DENND4A: variants seen among roughly 807,000 people sequenced by gnomAD.
DENND4A encodes the protein C-myc promoter-binding protein.
Under a neutral mutation model 199.3 loss-of-function variants are expected in DENND4A, and 70 were observed. The observed-to-expected ratio is 0.35, with a 90% confidence interval of 0.29 to 0.43. DENND4A has a LOEUF of 0.43. Among genes scored for constraint, DENND4A ranks in the 20% least tolerant of loss-of-function variants. The probability of loss-of-function intolerance (pLI) is 1.00; values close to 1 mark genes in which losing one functional copy is unlikely to be tolerated. For synonymous variants in DENND4A, 686 were observed against 766.9 expected (o/e 0.89, Z 1.74); for missense variants, 1,723 against 2,255.8 (o/e 0.76, Z 4.78).
intron 14 of DENND4A, among the ~76,000 whole-genome samples, chr15:65,709,414 A>C (rs143320052): frequency 6.6e-6 from 1 of 152,252 alleles, no homozygotes; most frequent in African/African-American, 2.4e-5. Context: ...CTTTATTAAG[A>C]TACATTTTGA....
chr15:65,752,878 A>C (rs1201632388), intron 3 of DENND4A, among the ~76,000 whole-genome samples: 1 of 152,184 alleles, frequency 6.6e-6, no homozygotes, highest in Non-Finnish European at 1.5e-5. Context: ...GGTACAATTA[A>C]ATGTGAAGGT....
chr15:65,685,559 C>A (rs1023327193), intron 23 of DENND4A, among the ~76,000 whole-genome samples: 30 of 152,332 alleles, frequency 2.0e-4, no homozygotes, highest in African/African-American at 7.2e-4. Flanking sequence ...TGCACATAAC[C>A]TATGCACATC....
Position 65,670,072 on chromosome 15 carries a change from A to G in DENND4A, c.4581T>C (p.Cys1527=), listed in dbSNP as rs1346149874. The change falls in exon 26 of 33, where the codon TGT becomes TGC. Residue 1527 remains cysteine (C), a synonymous_variant. Coordinates refer to ENST00000443035, the MANE Select transcript of DENND4A (RefSeq NM_001320835.1). ...DSNLNTTCPF[C]GNIFLPFLNI... The stretch of plus-strand genomic sequence containing the variant: ...TCAGAAAGGGTAAGAAGATATTGCC[A>G]CAGAATGGGCATGTAGTATTGAGAT... The G allele has an allele frequency of 6.2e-7, 1 of 1,604,588 alleles. No individual in the cohort carries two copies. The highest frequency in any genetic ancestry group is 8.5e-7 in the Non-Finnish European group (1 of 1,174,944).
intron 1 of DENND4A, among the ~76,000 whole-genome samples, chr15:65,788,474 G>C (rs1287827384): frequency 6.6e-6 from 1 of 152,132 alleles, no homozygotes; most frequent in Non-Finnish European, 1.5e-5. Context: ...TGCTAACAAT[G>C]AATCTTAAGA....
intron 17 of DENND4A, among the ~76,000 whole-genome samples, 170 bp downstream of exon 17, chr15:65,702,135 A>G (rs561395121): frequency 2.6e-5 from 4 of 152,290 alleles, no homozygotes; most frequent in South Asian, 2.1e-4. Context: ...GTGGTGGCAC[A>G]TGACTGTAGT....
intron 29 of DENND4A, among the ~76,000 whole-genome samples, chr15:65,666,426 G>T (rs1055075823): frequency 2.6e-5 from 4 of 152,102 alleles, no homozygotes; most frequent in Admixed American, 2.0e-4. Flanking sequence ...ACAAAGGGAT[G>T]ATTCACATCC....
chr15:65,696,339 A>G (rs768148359), intron 22 of DENND4A, 27 bp downstream of exon 22: 6 of 1,602,788 alleles, frequency 3.7e-6, no homozygotes, highest in Admixed American at 3.4e-5. Context: ...TATTCCGCAC[A>G]TAACACAAGC....
rs11430669 is a variant in DENND4A, at chr15:65,752,127, C to CGG, written c.561+250_561+251dup. Among the ~76,000 whole-genome samples, 252 of 50,842 alleles carry CGG rather than the reference C, an allele frequency of 5.0e-3. 6 individuals carry two copies. The highest frequency in any genetic ancestry group is 0.012 in the African/African-American group (161 of 13,574). The allele number at this position is 50,842 out of a possible 152,430, so 33.4% of individuals were successfully genotyped here. A position where few individuals can be genotyped will look rare whatever the true frequency, so the allele number is the denominator to read the frequency against. On this transcript the variant is annotated intron_variant, in intron 4 of 32. Transcript: ENST00000443035. ...GGATACTCATTGCTTTTGTAGTGGG[C>CGG]GGGGGGGGTGGGGGATATTATTTTT...
rs72498783 is a variant in DENND4A, at chr15:65,720,947, T to TTATATATATATA, written c.1588+1889_1588+1900dup. Among the ~76,000 whole-genome samples the TTATATATATATA allele has an allele frequency of 4.5e-3, 344 of 76,086 alleles. 7 individuals carry two copies. Among genetic ancestry groups the TTATATATATATA allele is most frequent in the African/African-American group, 8.5e-3 (162 of 19,000 alleles). The allele number at this position is 76,086 out of a possible 152,430, so 49.9% of individuals were successfully genotyped here. A position where few individuals can be genotyped will look rare whatever the true frequency, so the allele number is the denominator to read the frequency against. ...AAAGTTGAATGGGCTGTTTCATTGA[T>TTATATATATATA]TATATATATATATATATATATATAT... is the stretch of plus-strand genomic sequence containing the variant. On this transcript the variant is annotated intron_variant, in intron 12 of 32. Transcript: ENST00000443035.
At chr15:65,681,796 G>A (rs541163213) in intron 23 of DENND4A, among the ~76,000 whole-genome samples, 1 of 152,202 alleles carries the variant, frequency 6.6e-6, no homozygotes, top group East Asian at 1.9e-4. Context: ...TCAAATTTCT[G>A]AGCTCAAGGG....
At chr15:65,700,146 G>T (rs904754114) in intron 20 of DENND4A, among the ~76,000 whole-genome samples, 1 of 151,912 alleles carries the variant, frequency 6.6e-6, no homozygotes, top group African/African-American at 2.4e-5. Flanking sequence ...GTCAAAACCA[G>T]GAAACTGATG....
At chr15:65,748,989 T>C (rs2140565471) in intron 4 of DENND4A, among the ~76,000 whole-genome samples, 1 of 146,298 alleles carries the variant, frequency 6.8e-6, no homozygotes, top group East Asian at 2.0e-4. Flanking sequence ...CAAGACCCTG[T>C]CTCTAAAAAA....
chr15:65,779,683 T>A (rs1046332538), intron 1 of DENND4A, among the ~76,000 whole-genome samples: 1 of 151,918 alleles, frequency 6.6e-6, no homozygotes, highest in African/African-American at 2.4e-5. Context: ...AGAGTCTCAC[T>A]CTGTCACCCA....
intron 1 of DENND4A, among the ~76,000 whole-genome samples, chr15:65,762,100 TGGGTTCAAGA>T (rs2076866677): frequency 6.6e-6 from 1 of 152,072 alleles, no homozygotes; most frequent in African/African-American, 2.4e-5. Flanking sequence ...CTCCACCTCC[TGGGTTCAAGA>T]GATTCTCCTG....
At chr15:65,712,726 TA>T (rs34804757) in intron 14 of DENND4A, among the ~76,000 whole-genome samples, 29,978 of 149,890 alleles carry the variant, frequency 0.2, 3,990 homozygotes, top group East Asian at 0.73. Flanking sequence ...GCTGTTGTGT[TA>T]AAAAAAAAAC....
rs1566976109 is a variant in DENND4A, at chr15:65,660,354, CT to C, written c.*1496del. The C allele has an allele frequency of 3.3e-5, 50 of 1,507,274 alleles. No homozygotes were observed. The highest frequency in any genetic ancestry group is 4.5e-5 in the Non-Finnish European group (50 of 1,121,584). The allele number at this position is 1,507,274 out of a possible 1,614,324, so 93.4% of individuals were successfully genotyped here. The stretch of plus-strand genomic sequence containing the variant: ...AACTCAAAAGGTGGGTTTTCTGCAG[CT>C]GAACTGATTCTAAGTCTCAGGACTC... On this transcript the variant is annotated 3_prime_UTR_variant, in exon 33 of 33. Transcript: ENST00000443035.
intron 22 of DENND4A, among the ~76,000 whole-genome samples, chr15:65,694,110 A>G (rs1267115371): frequency 1.3e-5 from 2 of 152,232 alleles, no homozygotes; most frequent in African/African-American, 4.8e-5. Flanking sequence ...CTGTGGTTGA[A>G]CACTCAGTAA....
At chr15:65,663,804 C>T (rs1266883880) in intron 32 of DENND4A, among the ~76,000 whole-genome samples, 1 of 151,980 alleles carries the variant, frequency 6.6e-6, no homozygotes, top group Non-Finnish European at 1.5e-5. Context: ...CATGTGCCAC[C>T]ACATCTGGCT....
intron 32 of DENND4A, among the ~76,000 whole-genome samples, chr15:65,663,981 G>C (rs1209511230): frequency 1.3e-5 from 2 of 152,024 alleles, no homozygotes; most frequent in Non-Finnish European, 2.9e-5. Context: ...TTCCTGACTA[G>C]TCCTTTTCTT....
Sources: gnomAD v4.1 joint callset for allele counts (sites outside exome capture counted in the v4.1 genomes callset) on GRCh38, gnomAD v4.1.1 for gene constraint, MANE v1.5 for transcripts, NCBI Gene and HGNC (gene_info 2026-07-23, HGNC 2026-07-21) for gene names.